Variants in HHAT observed in about 807,000 individuals in gnomAD.
The protein encoded by HHAT is protein-cysteine N-palmitoyltransferase HHAT.
HHAT carries 47 observed loss-of-function variants against 70.8 expected under a neutral mutation model. The observed-to-expected ratio is 0.66, with a 90% CI of 0.53 to 0.85. The LOEUF (loss-of-function observed/expected upper bound fraction) is 0.85, where lower values mean the gene tolerates loss of function less well. HHAT is among the 40% of genes least tolerant of loss of function. The pLI is 0.00. For synonymous variants in HHAT, 228 were observed against 247.6 expected (o/e 0.92, Z 0.74); for missense variants, 609 against 604.8 (o/e 1.01, Z -0.07).
At position 210,608,920 on chromosome 1, in the gene HHAT, C is replaced by T. The variant is rs566974321; in HGVS notation, c.1246-14606C>T. On this transcript the variant is annotated intron_variant, in intron 10 of 11. Transcript: ENST00000261458. The stretch of plus-strand genomic sequence containing the variant: ...GGAAACTTACAATCATGGCGGAAGG[C>T]GAAGGGGATGCAAGGCACCTTCTTC... 6.6e-5 allele frequency among the ~76,000 whole-genome samples: 10 copies of T among 152,090 alleles called. No homozygotes were observed. The South Asian group carries it at 8.3e-4, about 13-fold the overall frequency.
intron 8 of HHAT, among the ~76,000 whole-genome samples, chr1:210,489,485 G>A (rs1237698832): frequency 6.6e-6 from 1 of 152,202 alleles, no homozygotes; most frequent in East Asian, 1.9e-4. Context: ...GCTAATCCAA[G>A]GATCTTACTT....
intron 9 of HHAT, among the ~76,000 whole-genome samples, chr1:210,580,445 G>C (rs1229450316): frequency 1.3e-5 from 2 of 151,530 alleles, no homozygotes; most frequent in African/African-American, 4.8e-5. Flanking sequence ...GTGTGCCATG[G>C]TGGTTTGCTG....
intron 10 of HHAT, among the ~76,000 whole-genome samples, chr1:210,615,793 T>C (rs896860268): frequency 6.6e-6 from 1 of 152,242 alleles, no homozygotes; most frequent in Non-Finnish European, 1.5e-5. Flanking sequence ...ATCGTTCCTC[T>C]GGAGGTTTCG....
chr1:210,668,245 C>T (rs149393472), intron 11 of HHAT, among the ~76,000 whole-genome samples: 3 of 152,186 alleles, frequency 2.0e-5, no homozygotes, highest in South Asian at 2.1e-4. Context: ...ACCTTTTGGC[C>T]GTTGTGAATT....
intron 11 of HHAT, among the ~76,000 whole-genome samples, chr1:210,653,635 G>A (rs76407524): frequency 0.11 from 16,355 of 152,184 alleles, 960 homozygotes; most frequent in Middle Eastern, 0.17. Context: ...GATGCCTATA[G>A]GGGGAGGAAC....
At chr1:210,371,043 A>G (rs1219038107) in intron 3 of HHAT, among the ~76,000 whole-genome samples, 1 of 152,232 alleles carries the variant, frequency 6.6e-6, no homozygotes, top group African/African-American at 2.4e-5. Flanking sequence ...TCTAGCATGG[A>G]TGAGACTAGA....
chr1:210,616,167 C>T (rs867337029), intron 10 of HHAT, among the ~76,000 whole-genome samples: 3 of 152,254 alleles, frequency 2.0e-5, no homozygotes, highest in Middle Eastern at 3.4e-3. Flanking sequence ...CATGCACTAC[C>T]TCACTTATTT....
chr1:210,404,969 GTT>G (rs2092268213), intron 6 of HHAT, among the ~76,000 whole-genome samples: 1 of 152,154 alleles, frequency 6.6e-6, no homozygotes, highest in Non-Finnish European at 1.5e-5. Context: ...GAGTTTGGGA[GTT>G]GGTATCCACT....
At chr1:210,596,319 T>C (rs1295772037) in intron 10 of HHAT, among the ~76,000 whole-genome samples, 1 of 152,194 alleles carries the variant, frequency 6.6e-6, no homozygotes, top group Non-Finnish European at 1.5e-5. Context: ...TTAAATCTAT[T>C]TGATGTTCAG....
intron 11 of HHAT, among the ~76,000 whole-genome samples, chr1:210,671,947 G>C (rs928795329): frequency 6.6e-6 from 1 of 152,152 alleles, no homozygotes; most frequent in Non-Finnish European, 1.5e-5. Context: ...GGAAGACCAG[G>C]GCTTGACTTC....
At chr1:210,541,111 G>A (rs2095426501) in intron 9 of HHAT, among the ~76,000 whole-genome samples, 1 of 152,134 alleles carries the variant, frequency 6.6e-6, no homozygotes, top group South Asian at 2.1e-4. Flanking sequence ...AAAGTGCAAG[G>A]ATTACAGGTG....
intron 7 of HHAT, among the ~76,000 whole-genome samples, chr1:210,451,391 A>G (rs995870243): frequency 6.6e-6 from 1 of 152,228 alleles, no homozygotes; most frequent in African/African-American, 2.4e-5. Flanking sequence ...GTCAGAATGA[A>G]TTTGGAACAT....
intron 8 of HHAT, among the ~76,000 whole-genome samples, chr1:210,497,037 G>C (rs1163231998): frequency 3.3e-5 from 5 of 152,202 alleles, no homozygotes; most frequent in Non-Finnish European, 7.3e-5. Context: ...TGTGATAGCA[G>C]TTATACTTTT....
At chr1:210,461,240 A>G (rs1190469829) in intron 7 of HHAT, among the ~76,000 whole-genome samples, 1 of 152,218 alleles carries the variant, frequency 6.6e-6, no homozygotes, top group African/African-American at 2.4e-5. Context: ...CTTAGACCAA[A>G]TCTTAAAAGG....
intron 9 of HHAT, among the ~76,000 whole-genome samples, chr1:210,522,504 G>T (rs752699871): frequency 6.6e-6 from 1 of 152,178 alleles, no homozygotes; most frequent in Non-Finnish European, 1.5e-5. Flanking sequence ...AAGTCCACTG[G>T]CTCCCATGGG....
At chr1:210,545,437 T>TC (rs1491197893) in intron 9 of HHAT, among the ~76,000 whole-genome samples, 1 of 30,758 alleles carries the variant, frequency 3.3e-5, no homozygotes, top group African/African-American at 9.3e-5. Flanking sequence ...TTTTTTTTCC[T>TC]TTTTTTTTTT....
intron 7 of HHAT, among the ~76,000 whole-genome samples, chr1:210,454,012 G>C (rs2093809841): frequency 6.6e-6 from 1 of 152,178 alleles, no homozygotes; most frequent in Non-Finnish European, 1.5e-5. Flanking sequence ...AGAGAGAAAT[G>C]AGGAAGAAGC....
intron 7 of HHAT, among the ~76,000 whole-genome samples, chr1:210,452,715 G>C (rs1558545122): frequency 6.6e-6 from 1 of 152,196 alleles, no homozygotes; most frequent in African/African-American, 2.4e-5. Context: ...AAAGAGCTCA[G>C]AAAGGTAATA....
At chr1:210,611,975 G>A (rs1370114678) in intron 10 of HHAT, among the ~76,000 whole-genome samples, 4 of 151,886 alleles carry the variant, frequency 2.6e-5, no homozygotes, top group Admixed American at 6.6e-5. Flanking sequence ...TTCTTTTTTT[G>A]TTGTATCTCT....
Sources: allele counts gnomAD v4.1 joint callset (sites outside exome capture counted in the v4.1 genomes callset), GRCh38; gene constraint gnomAD v4.1.1; transcripts MANE v1.5; gene names NCBI Gene and HGNC (gene_info 2026-07-23, HGNC 2026-07-21).